SLIT2: variants seen among roughly 807,000 people sequenced by gnomAD.
SLIT2 encodes the protein slit guidance ligand 2.
A neutral mutation model predicts 185.7 loss-of-function variants in SLIT2; 41 were observed. That is an observed-to-expected ratio of 0.22 (90% CI 0.17 to 0.29). SLIT2 has a LOEUF of 0.29. Among genes scored for constraint, SLIT2 ranks in the 10% least tolerant of loss-of-function variants. The pLI, the probability that SLIT2 is intolerant of heterozygous loss-of-function variation, is 1.00. For synonymous variants in SLIT2, 693 were observed against 680.2 expected (o/e 1.02, Z -0.29); for missense variants, 1,571 against 1,909.0 (o/e 0.82, Z 3.30).
intron 6 of SLIT2, 110 bp downstream of exon 6, chr4:20,480,897 A>G: frequency 1.3e-6 from 1 of 783,194 alleles, no homozygotes; most frequent in African/African-American, 1.7e-5. Flanking sequence ...ATAGTCTCTC[A>G]AGAGATACCT....
chr4:20,436,281 G>A lies in SLIT2; in HGVS notation c.396-31471G>A, dbSNP rs115625436. On this transcript the variant is annotated intron_variant, in intron 4 of 36. Coordinates refer to ENST00000504154, the MANE Select transcript of SLIT2 (RefSeq NM_004787.4). Reference sequence around the variant, plus strand: ...CTACCTCTTTAAACATACAATCTAAGTAAAAACTATATGCTTGTTAGGCAA... The same window carrying A: ...CTACCTCTTTAAACATACAATCTAAATAAAAACTATATGCTTGTTAGGCAA... 5.1e-3 allele frequency among the ~76,000 whole-genome samples: 783 copies of A among 152,280 alleles called. 13 individuals are homozygous for A. The highest frequency in any genetic ancestry group is 0.018 in the African/African-American group (755 of 41,566).
rs376556054 is a variant in SLIT2 at position 20,441,519 on chromosome 4, GTCTCTCTCTCTC to G, written c.396-26215_396-26204del. On this transcript the variant is annotated intron_variant, in intron 4 of 36. Coordinates refer to ENST00000504154, the MANE Select transcript of SLIT2 (RefSeq NM_004787.4). ...CTCTCTCTCGCCCCCCCCCACTTCT[GTCTCTCTCTCTC>G]TCTCTCTCTCTCTCTCTGTCTCTAC... is the stretch of plus-strand genomic sequence containing the variant. Among the ~76,000 whole-genome samples, 28 of 108,062 alleles carry G rather than the reference GTCTCTCTCTCTC, an allele frequency of 2.6e-4. No homozygotes were observed. The South Asian group carries it at 5.5e-3, about 21-fold the overall frequency. The allele number at this position is 108,062 out of a possible 152,430, so 70.9% of individuals were successfully genotyped here.
intron 4 of SLIT2, among the ~76,000 whole-genome samples, chr4:20,339,090 CAAAA>C (rs398051113): frequency 1.4e-5 from 1 of 70,734 alleles, no homozygotes; most frequent in Non-Finnish European, 2.5e-5. Context: ...GAGACACTCT[CAAAA>C]AAAAAAAAAA....
At chr4:20,506,134 A>G (rs1257667324) in intron 9 of SLIT2, among the ~76,000 whole-genome samples, 2 of 152,052 alleles carry the variant, frequency 1.3e-5, no homozygotes, top group Admixed American at 6.6e-5. Flanking sequence ...ATGTTATGCA[A>G]TCATTTACAT....
intron 14 of SLIT2, 150 bp downstream of exon 14, chr4:20,524,327 T>A: frequency 1.5e-6 from 1 of 677,626 alleles, no homozygotes; most frequent in Non-Finnish European, 2.5e-6. Flanking sequence ...AAGAGGACTG[T>A]AGACCCAATT....
chr4:20,275,894 G>A (rs1714126907), intron 4 of SLIT2, among the ~76,000 whole-genome samples: 1 of 152,098 alleles, frequency 6.6e-6, no homozygotes. Context: ...AAATACAAAT[G>A]TTAGAAAATG....
chr4:20,455,726 G>T (rs571136336), intron 4 of SLIT2, among the ~76,000 whole-genome samples: 2 of 152,112 alleles, frequency 1.3e-5, no homozygotes, highest in East Asian at 3.9e-4. Context: ...GGTGATGGTT[G>T]CACAACTGCA....
intron 33 of SLIT2, among the ~76,000 whole-genome samples, chr4:20,608,310 G>A (rs888779663): frequency 3.9e-5 from 6 of 152,062 alleles, no homozygotes; most frequent in Non-Finnish European, 5.9e-5. Flanking sequence ...ACCACGATTC[G>A]AATCCAGGAT....
intron 4 of SLIT2, among the ~76,000 whole-genome samples, chr4:20,381,060 C>T (rs1484074269): frequency 6.6e-6 from 1 of 152,018 alleles, no homozygotes; most frequent in Non-Finnish European, 1.5e-5. Context: ...TCAAGACCAG[C>T]CTGGCCAACA....
intron 24 of SLIT2, among the ~76,000 whole-genome samples, chr4:20,550,205 C>T (rs1408859098): frequency 6.6e-6 from 1 of 152,014 alleles, no homozygotes; most frequent in East Asian, 1.9e-4. Context: ...TTTGCACTTC[C>T]AATTAGTAGA....
rs542302734 is a variant in SLIT2 at position 20,580,019 on chromosome 4, AT to A, written c.3089-9623del. Among the ~76,000 whole-genome samples the A allele has an allele frequency of 2.6e-3, 379 of 143,626 alleles. 4 individuals are homozygous for A. Among genetic ancestry groups the A allele is most frequent in the African/African-American group, 9.3e-3 (364 of 39,138 alleles). The allele number at this position is 143,626 out of a possible 152,430, so 94.2% of individuals were successfully genotyped here. A position where few individuals can be genotyped will look rare whatever the true frequency, so the allele number is the denominator to read the frequency against. On this transcript the variant is annotated intron_variant, in intron 29 of 36. Transcript: ENST00000504154. ...TGTAATATATCATATATAATATATT[AT>A]TATATATAATATATATTATGTATAT...
At chr4:20,418,376 TTTA>T (rs1191441058) in intron 4 of SLIT2, among the ~76,000 whole-genome samples, 1 of 152,154 alleles carries the variant, frequency 6.6e-6, no homozygotes, top group African/African-American at 2.4e-5. Flanking sequence ...TTTCTGTCAT[TTTA>T]TGAAGGTATC....
chr4:20,571,371 G>A (rs1027029334), intron 29 of SLIT2, among the ~76,000 whole-genome samples: 1 of 152,182 alleles, frequency 6.6e-6, no homozygotes, highest in Admixed American at 6.5e-5. Context: ...GGTCTTGTGG[G>A]CCATGAAGAG....
rs371381531 is a variant in SLIT2 at position 20,618,811 on chromosome 4, G to T, written c.4392G>T (p.Lys1464Asn). Residue 1464 changes from lysine (K) to asparagine (N), a missense_variant, in exon 37 of 37, where the codon AAG becomes AAT. Transcript: ENST00000504154. Reference protein sequence around the residue: ...RGERIRDYYQKQQGYAACQTT... With the variant: ...RGERIRDYYQNQQGYAACQTT... ...AAAGGATAAGAGATTATTACCAAAA[G>T]CAGCAGGGCTATGCTGCTTGCCAAA... 6.2e-7 allele frequency: 1 copy of T among 1,609,756 alleles called. No individual in the cohort carries two copies. The highest frequency in any genetic ancestry group is 2.2e-5 in the East Asian group (1 of 44,694).
At chr4:20,433,053 G>A (rs1729103652) in intron 4 of SLIT2, among the ~76,000 whole-genome samples, 1 of 152,048 alleles carries the variant, frequency 6.6e-6, no homozygotes, top group Admixed American at 6.5e-5. Flanking sequence ...GTTAAGGTAT[G>A]CTTCCAAAGG....
Position 20,550,820 on chromosome 4 carries a change from CT to C in SLIT2, c.2490-3del. ...GGAAGTTTAATTTTTCTTTTTCTTT[CT>C]TTTAGTTCTCTACATGGAAATGACA... On this transcript the variant is annotated splice_polypyrimidine_tract_variant and splice_region_variant and intron_variant, in intron 24 of 36. Coordinates refer to ENST00000504154, the MANE Select transcript of SLIT2 (RefSeq NM_004787.4). The C allele has an allele frequency of 6.3e-7, 1 of 1,586,612 alleles. No homozygotes were observed. Among genetic ancestry groups the C allele is most frequent in the Non-Finnish European group, 8.6e-7 (1 of 1,159,138 alleles).
chr4:20,469,201 C>G (rs1486357361), intron 5 of SLIT2, among the ~76,000 whole-genome samples: 1 of 152,108 alleles, frequency 6.6e-6, no homozygotes, highest in Non-Finnish European at 1.5e-5. Flanking sequence ...TGCAAGAATT[C>G]CTATGTAGCA....
intron 4 of SLIT2, among the ~76,000 whole-genome samples, chr4:20,301,899 A>G (rs1276984764): frequency 1.3e-5 from 2 of 152,188 alleles, no homozygotes; most frequent in African/African-American, 4.8e-5. Context: ...AGGCTCAATC[A>G]TTTTTTGGTG....
intron 9 of SLIT2, among the ~76,000 whole-genome samples, chr4:20,492,272 T>A (rs1214787229): frequency 6.6e-6 from 1 of 152,150 alleles, no homozygotes; most frequent in East Asian, 1.9e-4. Context: ...AACAATACAG[T>A]TAGGTGATGC....
Sources: gnomAD v4.1 joint callset for allele counts (sites outside exome capture counted in the v4.1 genomes callset) on GRCh38, gnomAD v4.1.1 for gene constraint, MANE v1.5 for transcripts, NCBI Gene and HGNC (gene_info 2026-07-23, HGNC 2026-07-21) for gene names.